The following LSR variants were observed in gnomAD, a reference collection of about 807,000 sequenced individuals.
The protein encoded by LSR is lipolysis stimulated lipoprotein receptor.
A neutral mutation model predicts 61.8 loss-of-function variants in LSR; 44 were observed. The observed-to-expected ratio is 0.71, with a 90% confidence interval of 0.56 to 0.91. The LOEUF (loss-of-function observed/expected upper bound fraction) is 0.91, where lower values mean the gene tolerates loss of function less well. LSR is among the 40% of genes least tolerant of loss of function. LSR has a pLI of 0.00. For missense variants in LSR, 911 were observed against 830.5 expected (o/e 1.10, Z -1.19); for synonymous variants, 397 against 350.6 (o/e 1.13, Z -1.48).
chr19:35,259,310 G>C, intron 3 of LSR: 1 of 390,886 alleles, frequency 2.6e-6, no homozygotes, highest in Non-Finnish European at 4.6e-6. Context: ...GACAATTGGA[G>C]ACTCTGCCTT....
chr19:35,267,165 G>A lies in LSR; in HGVS notation c.1201G>A (p.Gly401Ser). 1.3e-6 allele frequency: 2 copies of A among 1,526,760 alleles called. No homozygotes were observed. Among genetic ancestry groups the A allele is most frequent in the Non-Finnish European group, 1.8e-6 (2 of 1,140,986 alleles). The allele number at this position is 1,526,760 out of a possible 1,614,324, so 94.6% of individuals were successfully genotyped here. A position where few individuals can be genotyped will look rare whatever the true frequency, so the allele number is the denominator to read the frequency against. ...CGACTGGCGATCTCGGCCTTCCCGG[G>A]GCCCTGCCCTCACCCCGATCCGGGA... ...EDDWRSRPSR[G>S]PALTPIRDEE... is the part of the protein sequence containing the mutation. Residue 401 changes from glycine (G) to serine (S), a missense_variant, in exon 9 of 10, where the codon GGC (glycine) becomes AGC (serine). Gly to Ser is a moderately conservative substitution (Grantham distance 56). Coordinates refer to ENST00000605618, the MANE Select transcript of LSR (RefSeq NM_205834.4).
chr19:35,261,817 G>A (rs1432736054), intron 3 of LSR, 108 bp from the exon 4 acceptor site: 8 of 666,204 alleles, frequency 1.2e-5, no homozygotes, highest in East Asian at 3.1e-5. Flanking sequence ...GCCCCTTCCC[G>A]CTTCAGGGCA....
intron 2 of LSR, among the ~76,000 whole-genome samples, chr19:35,256,432 G>A (rs1357965650): frequency 6.6e-6 from 1 of 152,062 alleles, no homozygotes; most frequent in Non-Finnish European, 1.5e-5. Flanking sequence ...TTATTTTTTT[G>A]CAAGTCTCCG....
chr19:35,252,290 C>A (rs1291897326), intron 2 of LSR, among the ~76,000 whole-genome samples: 1 of 151,992 alleles, frequency 6.6e-6, no homozygotes, highest in African/African-American at 2.4e-5. Context: ...AAGTTTCTGT[C>A]GTCAAGGAGA....
At chr19:35,262,965 A>T in intron 5 of LSR, 1 of 392,996 alleles carries the variant, frequency 2.5e-6, no homozygotes, top group Non-Finnish European at 4.5e-6. Flanking sequence ...TACTAGTCAC[A>T]TGGAAGTAAA....
At chr19:35,255,482 T>C (rs1599594242) in intron 2 of LSR, among the ~76,000 whole-genome samples, 1 of 152,098 alleles carries the variant, frequency 6.6e-6, no homozygotes, top group African/African-American at 2.4e-5. Context: ...CTAGGGGCGG[T>C]GGCTCATGCC....
intron 5 of LSR, chr19:35,263,178 G>A (rs903322083): frequency 1.3e-5 from 2 of 153,074 alleles, no homozygotes; most frequent in Non-Finnish European, 2.9e-5. Context: ...CTACTCAGGA[G>A]ACTGAGGCAT....
chr19:35,257,535 A>C (rs1212327395), intron 2 of LSR, among the ~76,000 whole-genome samples: 3 of 152,164 alleles, frequency 2.0e-5, no homozygotes, highest in Non-Finnish European at 4.4e-5. Context: ...GGGTTCTTTC[A>C]TTCCTGGGGG....
intron 2 of LSR, among the ~76,000 whole-genome samples, chr19:35,258,262 A>G (rs534734102): frequency 1.3e-5 from 2 of 152,226 alleles, no homozygotes; most frequent in Admixed American, 6.5e-5. Context: ...CTTGGTCAAC[A>G]TGGCGAAACT....
At chr19:35,260,098 A>G (rs2065907584) in intron 3 of LSR, among the ~76,000 whole-genome samples, 1 of 152,172 alleles carries the variant, frequency 6.6e-6, no homozygotes, top group South Asian at 2.1e-4. Flanking sequence ...GAACACGTGC[A>G]CCAGTGACCC....
intron 4 of LSR, 94 bp downstream of exon 4, chr19:35,262,075 C>G: frequency 1.7e-6 from 2 of 1,195,614 alleles, no homozygotes; most frequent in Non-Finnish European, 2.4e-6. Flanking sequence ...CCCCACTAAA[C>G]CCTGCTCACT....
intron 2 of LSR, among the ~76,000 whole-genome samples, 165 bp downstream of exon 2, chr19:35,250,824 C>T (rs2065784625): frequency 7.0e-6 from 1 of 142,404 alleles, no homozygotes; most frequent in East Asian, 2.1e-4. Context: ...AAGATGGAGT[C>T]TTGCTCTGGA....
rs1009148027 is a variant in LSR at position 35,249,090 on chromosome 19, C to A, written c.68C>A (p.Ala23Glu). Reference protein sequence around the residue: ...GSHPAAAGRDAVVFVWLLLST... With the variant: ...GSHPAAAGRDEVVFVWLLLST... ...CACCCGGCCGCCGCAGGCCGGGACG[C>A]GGTCGTCTTCGTGTGGCTTCTGCTT... The change falls in exon 1 of 10, where the codon GCG becomes GAG. Residue 23 changes from alanine to glutamate, a missense_variant. Transcript: ENST00000605618. 9 of 1,554,688 alleles carry A rather than the reference C, an allele frequency of 5.8e-6. No individual in the cohort carries two copies. In the African/African-American group the frequency reaches 9.6e-5, roughly 17 times the overall value.
chr19:35,261,026 A>C (rs1568445018), intron 3 of LSR, among the ~76,000 whole-genome samples: 1 of 152,244 alleles, frequency 6.6e-6, no homozygotes, highest in Non-Finnish European at 1.5e-5. Context: ...TGTGACTGAC[A>C]TGCCTCTGTC....
Position 35,261,973 on chromosome 19 carries a change from C to A in LSR, c.623C>A (p.Pro208His), listed in dbSNP as rs760021023. 6.6e-7 allele frequency: 1 copy of A among 1,508,614 alleles called. No homozygotes were observed. The highest frequency in any genetic ancestry group is 8.8e-7 in the Non-Finnish European group (1 of 1,139,356). The allele number at this position is 1,508,614 out of a possible 1,614,324, so 93.5% of individuals were successfully genotyped here. A position where few individuals can be genotyped will look rare whatever the true frequency, so the allele number is the denominator to read the frequency against. The change falls in exon 4 of 10, where the codon CCC becomes CAC. Residue 208 changes from proline to histidine, a missense_variant. Coordinates refer to ENST00000605618, the MANE Select transcript of LSR (RefSeq NM_205834.4). The part of the protein sequence containing the change: ...AELLPGFQAG[P>H]IEDWLFVVVV... ...CTCTTACCTGGTTTTCAGGCGGGGC[C>A]CATAGAAGGTACGGGGGGTGGATCC...
intron 2 of LSR, among the ~76,000 whole-genome samples, chr19:35,255,218 C>G (rs538029189): frequency 6.6e-6 from 1 of 152,224 alleles, no homozygotes; most frequent in Admixed American, 6.5e-5. Context: ...CCCTGCTACT[C>G]TGGAGATGGG....
chr19:35,265,199 T>C (rs2065981402), intron 5 of LSR, among the ~76,000 whole-genome samples: 2 of 152,182 alleles, frequency 1.3e-5, no homozygotes, highest in Admixed American at 6.5e-5. Context: ...GAGTAAGTGT[T>C]AGGTCCATTT....
At position 35,252,677 on chromosome 19, in the gene LSR, T is replaced by C. The variant is rs573647197; in HGVS notation, c.454+2018T>C. Among the ~76,000 whole-genome samples, 35 of 142,042 alleles carry C rather than the reference T, an allele frequency of 2.5e-4. No individual in the cohort carries two copies. In the East Asian group the frequency reaches 7.4e-3, roughly 30 times the overall value. 93.2% of individuals were successfully genotyped at this position (142,042 alleles called of 152,430 possible). On this transcript the variant is annotated intron_variant, in intron 2 of 9. Transcript: ENST00000605618. ...AAAAAAAAAAAAAAAAAAGACTCCG[T>C]CAAGGTATAAGAATGTCAGAGAGTA...
chr19:35,259,952 AC>A (rs948222005), intron 3 of LSR, among the ~76,000 whole-genome samples: 1 of 152,242 alleles, frequency 6.6e-6, no homozygotes, highest in Non-Finnish European at 1.5e-5. Flanking sequence ...CTGTAAGCCA[AC>A]ACATGGAGTC....
Sources: gnomAD v4.1 joint callset for allele counts (sites outside exome capture counted in the v4.1 genomes callset) on GRCh38, gnomAD v4.1.1 for gene constraint, MANE v1.5 for transcripts, NCBI Gene and HGNC (gene_info 2026-07-23, HGNC 2026-07-21) for gene names.